TMEM41B: variants seen among roughly 807,000 people sequenced by gnomAD.
TMEM41B encodes protein stasimon.
Under a neutral mutation model 31.9 loss-of-function variants are expected in TMEM41B, and 18 were observed. The observed-to-expected ratio is 0.56, with a 90% CI of 0.39 to 0.84. The LOEUF (loss-of-function observed/expected upper bound fraction) is 0.84, where lower values mean the gene tolerates loss of function less well. TMEM41B is among the 40% of genes least tolerant of loss of function. TMEM41B has a pLI of 0.00. For missense variants in TMEM41B, 322 were observed against 348.0 expected (o/e 0.93, Z 0.59); for synonymous variants, 144 against 124.3 (o/e 1.16, Z -1.05).
chr11:9,296,972 G>A (rs1853107933), intron 2 of TMEM41B, among the ~76,000 whole-genome samples: 1 of 152,160 alleles, frequency 6.6e-6, no homozygotes, highest in Non-Finnish European at 1.5e-5. Context: ...AGGCTGGATG[G>A]AGTGCAATGG....
intron 1 of TMEM41B, among the ~76,000 whole-genome samples, chr11:9,307,327 C>T (rs1482163846): frequency 1.3e-5 from 2 of 152,054 alleles, no homozygotes; most frequent in African/African-American, 4.8e-5. Context: ...CACAAGAATC[C>T]ACTGTAATAT....
At position 9,295,269 on chromosome 11, in the gene TMEM41B, T is replaced by C; in HGVS notation, c.358A>G (p.Thr120Ala). ...CAGTTAAAAGGATACAAAATATATGTAGCAAAATAAGCTACAAGTACTTGA... is the reference window on the plus strand; with the variant it reads ...CAGTTAAAAGGATACAAAATATATGCAGCAAAATAAGCTACAAGTACTTGA... ...YVQVLVAYFA[T>A]YIFLQTFAIP... Residue 120 changes from threonine (T) to alanine (A), a missense_variant, in exon 3 of 7, where the codon ACA becomes GCA. Physicochemically the swap from Thr to Ala is moderately conservative, Grantham distance 58. Transcript: ENST00000528080. The C allele has an allele frequency of 6.4e-7, 1 of 1,560,640 alleles. No individual in the cohort carries two copies. The highest frequency in any genetic ancestry group is 1.2e-5 in the South Asian group (1 of 85,030).
In TMEM41B at chr11:9,299,282, CAAAAAAAAA is replaced by C. The variant is rs1180036082; in HGVS notation, c.239+293_239+301del. Among the ~76,000 whole-genome samples the C allele has an allele frequency of 4.6e-4, 19 of 41,708 alleles. 1 individual carries two copies. Among genetic ancestry groups the C allele is most frequent in the South Asian group, 3.4e-3 (2 of 592 alleles). The allele number at this position is 41,708 out of a possible 152,430, so 27.4% of individuals were successfully genotyped here. A position where few individuals can be genotyped will look rare whatever the true frequency, so the allele number is the denominator to read the frequency against. ...TGGGTGACAGGGCAAGACTCTGTCT[CAAAAAAAAA>C]AAAAAAAAAAAAAAGAAAGTATATA... On this transcript the variant is annotated intron_variant, in intron 2 of 6. Transcript: ENST00000528080.
intron 3 of TMEM41B, among the ~76,000 whole-genome samples, chr11:9,291,615 T>G (rs150599220): frequency 1.4e-3 from 213 of 151,954 alleles, no homozygotes; most frequent in African/African-American, 4.8e-3. Context: ...TTGGCCAGGA[T>G]AGTCTCCATC....
At chr11:9,288,353 T>TTACATAGAC (rs1465236275) in intron 4 of TMEM41B, 89 bp downstream of exon 4, 1 of 864,826 alleles carries the variant, frequency 1.2e-6, no homozygotes, top group Non-Finnish European at 1.7e-6. Context: ...GAGTTTATGC[T>TTACATAGAC]TACATAGACT....
chr11:9,284,085 G>A (rs1852782910), intron 6 of TMEM41B, among the ~76,000 whole-genome samples: 1 of 151,032 alleles, frequency 6.6e-6, no homozygotes. Context: ...CACCTGGCCA[G>A]AATAATGAAT....
chr11:9,305,099 C>G (rs1055671499), intron 1 of TMEM41B, among the ~76,000 whole-genome samples: 1 of 152,048 alleles, frequency 6.6e-6, no homozygotes, highest in Non-Finnish European at 1.5e-5. Context: ...GCTAGAAAAC[C>G]TATTTAAACA....
intron 1 of TMEM41B, among the ~76,000 whole-genome samples, chr11:9,311,922 T>C (rs1311174015): frequency 2.0e-5 from 3 of 152,216 alleles, no homozygotes; most frequent in Non-Finnish European, 2.9e-5. Flanking sequence ...GTACCAAACA[T>C]TGCAGATAGC....
At chr11:9,297,094 T>G (rs1853112956) in intron 2 of TMEM41B, among the ~76,000 whole-genome samples, 2 of 152,076 alleles carry the variant, frequency 1.3e-5, no homozygotes, top group African/African-American at 4.8e-5. Context: ...TGCTAGTTGT[T>G]GTTTTTTTTA....
chr11:9,293,984 G>T (rs972098391), intron 3 of TMEM41B, among the ~76,000 whole-genome samples: 6 of 150,432 alleles, frequency 4.0e-5, no homozygotes, highest in African/African-American at 1.5e-4. Context: ...GAGCTCAGGA[G>T]TTCAACACCA....
intron 1 of TMEM41B, among the ~76,000 whole-genome samples, chr11:9,307,807 G>A (rs1472080038): frequency 6.7e-6 from 1 of 148,172 alleles, no homozygotes; most frequent in African/African-American, 2.5e-5. Flanking sequence ...GTGCAGTGGC[G>A]CAATCTCGGC....
At chr11:9,311,293 T>C in intron 1 of TMEM41B, 1 of 1,519,330 alleles carries the variant, frequency 6.6e-7, no homozygotes, top group Non-Finnish European at 9.0e-7. Flanking sequence ...TCAGAATCAC[T>C]GCTGGAAGAG....
chr11:9,291,354 C>G (rs141818518), intron 3 of TMEM41B, among the ~76,000 whole-genome samples: 2 of 151,946 alleles, frequency 1.3e-5, no homozygotes, highest in Non-Finnish European at 2.9e-5. Context: ...TACACTCCAG[C>G]CTGGGAAACA....
At chr11:9,310,692 T>C (rs1299475556) in intron 1 of TMEM41B, among the ~76,000 whole-genome samples, 2 of 91,662 alleles carry the variant, frequency 2.2e-5, no homozygotes, top group Non-Finnish European at 4.3e-5. Context: ...CCAGGAGAAA[T>C]AACTTTATTT....
rs56313114 is a variant in TMEM41B, at chr11:9,282,940, G to GA, written c.*483dup. 4.0e-3 allele frequency: 369 copies of GA among 92,564 alleles called. 2 individuals carry two copies. The highest frequency in any genetic ancestry group is 0.013 in the African/African-American group (342 of 25,788). The allele number at this position is 92,564 out of a possible 1,614,324, so 5.7% of individuals were successfully genotyped here. On this transcript the variant is annotated 3_prime_UTR_variant, in exon 7 of 7. Transcript: ENST00000528080. ...CAGAGCTAGACTCCGTCTCAAAACA[G>GA]AAAAAAAAAAAAAAAAAAAAAGAGG...
chr11:9,288,125 T>G, intron 4 of TMEM41B: 2 of 336,330 alleles, frequency 5.9e-6, no homozygotes, highest in Non-Finnish European at 5.3e-6. Context: ...ACCCCCCCAG[T>G]TCCTAAGCTT....
rs188717819 is a variant in TMEM41B, at chr11:9,293,864, G to C, written c.368+1395C>G. ...CCCAAAGTGCTGGTGTTGCAGGCAT[G>C]AGCCACCATACCTGGCTACTTCTGA... On this transcript the variant is annotated intron_variant, in intron 3 of 6. Transcript: ENST00000528080. Among the ~76,000 whole-genome samples, 6 of 152,238 alleles carry C rather than the reference G, an allele frequency of 3.9e-5. 1 individual carries two copies. The highest frequency in any genetic ancestry group is 6.8e-3 in the Middle Eastern group (2 of 294).
At chr11:9,289,149 GTGTGTCACCACACCAA>G (rs143592721) in intron 3 of TMEM41B, among the ~76,000 whole-genome samples, 20,881 of 151,954 alleles carry the variant, frequency 0.14, 1,810 homozygotes, top group Non-Finnish European at 0.19. Context: ...GATCACGGAC[GTGTGTCACCACACCAA>G]TTTTTATTAT....
At chr11:9,298,633 G>A (rs1217581271) in intron 2 of TMEM41B, among the ~76,000 whole-genome samples, 1 of 152,000 alleles carries the variant, frequency 6.6e-6, no homozygotes, top group Non-Finnish European at 1.5e-5. Context: ...AGCCGTGGTG[G>A]CACACATCTA....
Sources: allele counts gnomAD v4.1 joint callset (sites outside exome capture counted in the v4.1 genomes callset), GRCh38; gene constraint gnomAD v4.1.1; transcripts MANE v1.5; gene names NCBI Gene and HGNC (gene_info 2026-07-23, HGNC 2026-07-21).